CDH12: variants seen among roughly 807,000 people sequenced by gnomAD.
CDH12 encodes the protein cadherin-12.
Under a neutral mutation model 74.1 loss-of-function variants are expected in CDH12, and 41 were observed. The observed-to-expected ratio is 0.55, with a 90% CI of 0.43 to 0.72. CDH12 has a LOEUF of 0.72. Among genes scored for constraint, CDH12 ranks in the 30% least tolerant of loss-of-function variants. The pLI is 0.00. For missense variants in CDH12, 945 were observed against 977.2 expected (o/e 0.97, Z 0.44); for synonymous variants, 399 against 355.0 (o/e 1.12, Z -1.39).
At chr5:22,184,045 G>T (rs1329005008) in intron 4 of CDH12, among the ~76,000 whole-genome samples, 1 of 151,980 alleles carries the variant, frequency 6.6e-6, no homozygotes, top group Non-Finnish European at 1.5e-5. Flanking sequence ...TACAAAGTAT[G>T]GAATTAGAGA....
intron 4 of CDH12, among the ~76,000 whole-genome samples, chr5:22,116,970 C>A (rs1178193760): frequency 1.2e-5 from 1 of 82,432 alleles, no homozygotes. Flanking sequence ...CCTCTTTTTT[C>A]TTTTTTCCTG....
At chr5:22,436,480 G>GA (rs961036394) in intron 2 of CDH12, among the ~76,000 whole-genome samples, 17 of 149,264 alleles carry the variant, frequency 1.1e-4, no homozygotes, top group Admixed American at 2.7e-4. Flanking sequence ...GAATAAAGTG[G>GA]AAAAAAAAAC....
intron 1 of CDH12, among the ~76,000 whole-genome samples, chr5:22,557,737 GA>G (rs1036520241): frequency 6.6e-6 from 1 of 151,698 alleles, no homozygotes; most frequent in South Asian, 2.1e-4. Context: ...GAATTACAAA[GA>G]AAAAAATCAA....
intron 2 of CDH12, among the ~76,000 whole-genome samples, chr5:22,410,741 T>C (rs1334387220): frequency 6.6e-6 from 1 of 152,078 alleles, no homozygotes; most frequent in Non-Finnish European, 1.5e-5. Flanking sequence ...AAGAACATAA[T>C]GCTAGACATG....
chr5:22,112,234 A>G (rs1279247082), intron 4 of CDH12, among the ~76,000 whole-genome samples: 1 of 152,152 alleles, frequency 6.6e-6, no homozygotes, highest in African/African-American at 2.4e-5. Context: ...AGAACTCTTG[A>G]TAAGCCTGGG....
intron 10 of CDH12, among the ~76,000 whole-genome samples, chr5:21,789,517 T>C (rs1746378108): frequency 6.6e-6 from 1 of 152,156 alleles, no homozygotes; most frequent in South Asian, 2.1e-4. Context: ...GAGCGTCTTT[T>C]ATTTTTTAAA....
At chr5:22,101,174 G>A (rs1744118472) in intron 4 of CDH12, among the ~76,000 whole-genome samples, 1 of 151,758 alleles carries the variant, frequency 6.6e-6, no homozygotes, top group African/African-American at 2.4e-5. Context: ...TTTATTGGGT[G>A]CCTCATATTA....
At chr5:21,845,499 C>G (rs1183094288) in intron 7 of CDH12, among the ~76,000 whole-genome samples, 1 of 151,996 alleles carries the variant, frequency 6.6e-6, no homozygotes, top group Non-Finnish European at 1.5e-5. Flanking sequence ...TCTCTCAGTT[C>G]CCCCATGAAT....
rs539059693 is a variant in CDH12 at position 21,787,609 on chromosome 5, T to C, written c.1257-4115A>G. On this transcript the variant is annotated intron_variant, in intron 10 of 14. Coordinates refer to ENST00000382254, the MANE Select transcript of CDH12 (RefSeq NM_004061.5). Reference sequence around the variant, plus strand: ...AGTCTGGAACCAAACCTGCAATATATCCAGGGTATATCTGTAATTGATTTC... The same window carrying C: ...AGTCTGGAACCAAACCTGCAATATACCCAGGGTATATCTGTAATTGATTTC... Among the ~76,000 whole-genome samples, 14 of 152,234 alleles carry C rather than the reference T, an allele frequency of 9.2e-5. No individual in the cohort carries two copies. In the South Asian group the frequency reaches 2.9e-3, roughly 32 times the overall value.
intron 1 of CDH12, among the ~76,000 whole-genome samples, chr5:22,632,137 T>C (rs1738616064): frequency 6.6e-6 from 1 of 152,004 alleles, no homozygotes; most frequent in Admixed American, 6.6e-5. Flanking sequence ...GGTGACAAAA[T>C]AATCTGTACA....
At chr5:22,599,476 A>T (rs541996909) in intron 1 of CDH12, among the ~76,000 whole-genome samples, 39 of 152,294 alleles carry the variant, frequency 2.6e-4, no homozygotes, top group Middle Eastern at 3.4e-3. Context: ...CTGATAAATC[A>T]TAGTAAAAAT....
intron 1 of CDH12, among the ~76,000 whole-genome samples, chr5:22,786,505 GT>G (rs976061579): frequency 1.3e-5 from 2 of 152,052 alleles, no homozygotes; most frequent in African/African-American, 4.8e-5. Flanking sequence ...GTTGTGGCTG[GT>G]TTTTGCTTCT....
intron 2 of CDH12, among the ~76,000 whole-genome samples, chr5:22,440,903 T>A (rs1415699642): frequency 6.6e-6 from 1 of 152,170 alleles, no homozygotes; most frequent in East Asian, 1.9e-4. Flanking sequence ...AATACGGACA[T>A]TTTAAGCAAG....
intron 6 of CDH12, among the ~76,000 whole-genome samples, chr5:21,918,290 A>T (rs748584463): frequency 6.6e-6 from 1 of 152,174 alleles, no homozygotes; most frequent in African/African-American, 2.4e-5. Flanking sequence ...TGTTGTAATT[A>T]AAATAATTTC....
intron 1 of CDH12, among the ~76,000 whole-genome samples, chr5:22,521,177 G>C (rs1737040558): frequency 6.6e-6 from 1 of 151,762 alleles, no homozygotes; most frequent in African/African-American, 2.4e-5. Context: ...ATTCTAAACT[G>C]TATATTTGTA....
intron 1 of CDH12, among the ~76,000 whole-genome samples, chr5:22,506,487 C>A (rs557520692): frequency 6.6e-6 from 1 of 152,016 alleles, no homozygotes; most frequent in South Asian, 2.1e-4. Context: ...TTTGACATAC[C>A]ATATTGGTTG....
At chr5:22,124,324 C>T (rs1580288204) in intron 4 of CDH12, among the ~76,000 whole-genome samples, 1 of 151,976 alleles carries the variant, frequency 6.6e-6, no homozygotes, top group Admixed American at 6.5e-5. Context: ...ACGGTTTCAG[C>T]GTGTTAGCCA....
At chr5:22,232,131 C>T (rs903446716) in intron 3 of CDH12, among the ~76,000 whole-genome samples, 16 of 151,576 alleles carry the variant, frequency 1.1e-4, no homozygotes, top group African/African-American at 3.9e-4. Context: ...TATTAAATAA[C>T]TAAAAGGAAA....
At chr5:21,877,265 C>A (rs1166045059) in intron 6 of CDH12, among the ~76,000 whole-genome samples, 1 of 152,066 alleles carries the variant, frequency 6.6e-6, no homozygotes, top group East Asian at 1.9e-4. Context: ...AACTTCGTTC[C>A]ATTTTAAAGA....
Sources: gnomAD v4.1 joint callset for allele counts (sites outside exome capture counted in the v4.1 genomes callset) on GRCh38, gnomAD v4.1.1 for gene constraint, MANE v1.5 for transcripts, NCBI Gene and HGNC (gene_info 2026-07-23, HGNC 2026-07-21) for gene names.